Variants in TRIM24 observed in about 807,000 individuals in gnomAD.
The protein encoded by TRIM24 is transcription intermediary factor 1-alpha.
In TRIM24, 29 loss-of-function variants were observed where a neutral mutation model predicts 123.9. The observed-to-expected ratio is 0.23, with a 90% CI of 0.17 to 0.32. The LOEUF (loss-of-function observed/expected upper bound fraction) is 0.32. Among genes scored for constraint, TRIM24 ranks in the 10% least tolerant of loss-of-function variants. The pLI, the probability that TRIM24 is intolerant of heterozygous loss-of-function variation, is 1.00. For synonymous variants in TRIM24, 456 were observed against 461.1 expected, an observed-to-expected ratio of 0.99 and a Z score of 0.14; for missense variants, 932 against 1,295.3, an observed-to-expected ratio of 0.72 and a Z score of 4.31.
At chr7:138,526,256 A>AT (rs1233198015) in intron 5 of TRIM24, among the ~76,000 whole-genome samples, 8 of 152,254 alleles carry the variant, frequency 5.3e-5, no homozygotes, top group Non-Finnish European at 1.0e-4. Flanking sequence ...GCATTTGGGA[A>AT]TTTTTTTAAG....
intron 6 of TRIM24, among the ~76,000 whole-genome samples, chr7:138,534,770 G>C (rs1024893594): frequency 1.3e-5 from 2 of 152,134 alleles, no homozygotes; most frequent in Non-Finnish European, 2.9e-5. Flanking sequence ...GGATATCCTT[G>C]TTAACTTTCT....
chr7:138,572,092 T>C (rs567607760), intron 11 of TRIM24, among the ~76,000 whole-genome samples: 1 of 152,312 alleles, frequency 6.6e-6, no homozygotes. Context: ...TTTATTTTCA[T>C]TATTTGTTTT....
At chr7:138,479,632 C>G (rs1795482150) in intron 1 of TRIM24, among the ~76,000 whole-genome samples, 1 of 150,380 alleles carries the variant, frequency 6.6e-6, no homozygotes, top group Admixed American at 6.7e-5. Flanking sequence ...CCTGCCTCAG[C>G]CTCCCAAGTA....
At chr7:138,555,805 T>G (rs1797304508) in intron 9 of TRIM24, among the ~76,000 whole-genome samples, 1 of 152,084 alleles carries the variant, frequency 6.6e-6, no homozygotes. Flanking sequence ...TTTAAGTTGC[T>G]TCCCCTGTCA....
At chr7:138,564,973 A>G (rs776907276) in intron 9 of TRIM24, among the ~76,000 whole-genome samples, 4 of 152,074 alleles carry the variant, frequency 2.6e-5, no homozygotes, top group Non-Finnish European at 5.9e-5. Context: ...AGTATTTCAG[A>G]TGCCACTTAG....
At position 138,485,340 on chromosome 7, in the gene TRIM24, T is replaced by C. The variant is rs139697344; in HGVS notation, c.365-18950T>C. 4.7e-4 allele frequency among the ~76,000 whole-genome samples: 71 copies of C among 152,102 alleles called. 1 individual carries two copies. The highest frequency in any genetic ancestry group is 1.7e-3 in the African/African-American group (71 of 41,442). On this transcript the variant is annotated intron_variant, in intron 1 of 18. Coordinates refer to ENST00000343526, the MANE Select transcript of TRIM24 (RefSeq NM_015905.3). ...TGCTATTTCCAGAACTTTTTCATCA[T>C]CCTGAGAAGAACTTTTTTTTTTTTT...
intron 2 of TRIM24, among the ~76,000 whole-genome samples, chr7:138,508,697 G>A (rs1408288164): frequency 2.7e-5 from 3 of 110,200 alleles, no homozygotes; most frequent in Admixed American, 8.9e-5. Context: ...GTGTGTGCGC[G>A]CGCGTGTGTG....
intron 1 of TRIM24, among the ~76,000 whole-genome samples, chr7:138,494,723 T>G (rs1173798730): frequency 6.6e-6 from 1 of 152,192 alleles, no homozygotes; most frequent in African/African-American, 2.4e-5. Context: ...TTTGAGACTT[T>G]GAGAAACTGG....
chr7:138,523,038 T>A (rs1006375372), intron 4 of TRIM24, among the ~76,000 whole-genome samples: 1 of 152,170 alleles, frequency 6.6e-6, no homozygotes, highest in Non-Finnish European at 1.5e-5. Context: ...TTTATTGCAG[T>A]TTAGGGAAAG....
At chr7:138,583,550 G>A (rs1797950284) in intron 17 of TRIM24, among the ~76,000 whole-genome samples, 1 of 152,176 alleles carries the variant, frequency 6.6e-6, no homozygotes, top group South Asian at 2.1e-4. Context: ...AGCCCAGGAG[G>A]CAAAGTTTGC....
intron 6 of TRIM24, among the ~76,000 whole-genome samples, chr7:138,537,628 A>G (rs1384066879): frequency 1.3e-5 from 2 of 152,132 alleles, no homozygotes; most frequent in East Asian, 1.9e-4. Context: ...GAAACACTTA[A>G]TAAATTTTTA....
intron 9 of TRIM24, among the ~76,000 whole-genome samples, chr7:138,562,416 T>TATCG (rs1797446025): frequency 6.6e-6 from 1 of 152,202 alleles, no homozygotes; most frequent in African/African-American, 2.4e-5. Flanking sequence ...GGTTTGGTAC[T>TATCG]ATCGGGTGGA....
chr7:138,518,743 C>G (rs908657660), intron 3 of TRIM24, among the ~76,000 whole-genome samples: 1 of 152,112 alleles, frequency 6.6e-6, no homozygotes, highest in Admixed American at 6.5e-5. Context: ...GCAAGCGATC[C>G]TCTCAACTCA....
At chr7:138,576,094 T>C (rs1797752595) in intron 12 of TRIM24, among the ~76,000 whole-genome samples, 1 of 152,160 alleles carries the variant, frequency 6.6e-6, no homozygotes, top group African/African-American at 2.4e-5. Context: ...TATCTAATAA[T>C]TGGTGGAGGC....
At chr7:138,500,563 CA>C (rs773042715) in intron 1 of TRIM24, among the ~76,000 whole-genome samples, 5,536 of 61,426 alleles carry the variant, frequency 0.09, 96 homozygotes, top group Middle Eastern at 0.21. Context: ...GACCTTGTTT[CA>C]AAAAAAAAAA....
rs1182510654 is a variant in TRIM24, at chr7:138,585,837, C to T, written c.*886C>T. On this transcript the variant is annotated 3_prime_UTR_variant, in exon 19 of 19. Transcript: ENST00000343526. Reference sequence around the variant, plus strand: ...CCCAAAATATAAATACAGCAGCGTGCACTGTATTTGATGTGAGGGTTCTTC... The same window carrying T: ...CCCAAAATATAAATACAGCAGCGTGTACTGTATTTGATGTGAGGGTTCTTC... 9.6e-6 allele frequency: 5 copies of T among 519,350 alleles called. No homozygotes were observed. The highest frequency in any genetic ancestry group is 1.9e-5 in the Non-Finnish European group (5 of 260,142). 32.2% of individuals were successfully genotyped at this position (519,350 alleles called of 1,614,324 possible).
chr7:138,557,841 C>T (rs928661622), intron 9 of TRIM24, among the ~76,000 whole-genome samples: 5 of 152,172 alleles, frequency 3.3e-5, no homozygotes, highest in African/African-American at 1.2e-4. Context: ...TGATTTCAAG[C>T]ACTGCCTATA....
chr7:138,550,989 CTG>C lies in TRIM24; in HGVS notation c.1144-72_1144-71del, dbSNP rs1797199053. The stretch of plus-strand genomic sequence containing the variant: ...TGTGTATTGATGTACATACCAGAGA[CTG>C]TTTTTGTATATTTACTGGGCGCTTA... On this transcript the variant is annotated intron_variant, in intron 7 of 18. Coordinates refer to ENST00000343526, the MANE Select transcript of TRIM24 (RefSeq NM_015905.3). 4 of 1,176,686 alleles carry C rather than the reference CTG, an allele frequency of 3.4e-6. No individual in the cohort carries two copies. The Admixed American group carries it at 5.2e-5, about 15-fold the overall frequency. 72.9% of individuals were successfully genotyped at this position (1,176,686 alleles called of 1,614,324 possible). A position where few individuals can be genotyped will look rare whatever the true frequency, so the allele number is the denominator to read the frequency against.
chr7:138,497,957 T>C (rs1795950221), intron 1 of TRIM24, among the ~76,000 whole-genome samples: 1 of 152,144 alleles, frequency 6.6e-6, no homozygotes, highest in African/African-American at 2.4e-5. Context: ...CTGTCCAAAG[T>C]GCTGGGATTA....
Sources: allele counts gnomAD v4.1 joint callset (sites outside exome capture counted in the v4.1 genomes callset), GRCh38; gene constraint gnomAD v4.1.1; transcripts MANE v1.5; gene names NCBI Gene and HGNC (gene_info 2026-07-23, HGNC 2026-07-21).